Variants in NCKAP5 observed in about 807,000 individuals in gnomAD.
The protein encoded by NCKAP5 is NCK associated protein 5.
In NCKAP5, 92 loss-of-function variants were observed where a neutral mutation model predicts 167.0. That is an observed-to-expected ratio of 0.55 (90% CI 0.47 to 0.66). The LOEUF (loss-of-function observed/expected upper bound fraction) is 0.66, where lower values mean the gene tolerates loss of function less well. NCKAP5 is among the 30% of genes least tolerant of loss of function. The probability of loss-of-function intolerance (pLI) is 0.00; values close to 1 mark genes in which losing one functional copy is unlikely to be tolerated. For missense variants in NCKAP5, 2,378 were observed against 2,315.0 expected, an observed-to-expected ratio of 1.03 and a Z score of -0.56; for synonymous variants, 891 against 877.4, an observed-to-expected ratio of 1.02 and a Z score of -0.27.
At chr2:133,058,249 C>T (rs1162509232) in intron 6 of NCKAP5, among the ~76,000 whole-genome samples, 1 of 152,214 alleles carries the variant, frequency 6.6e-6, no homozygotes, top group Non-Finnish European at 1.5e-5. Context: ...AACATCCATT[C>T]TGTAGCCCAT....
In NCKAP5 at chr2:133,264,388, C is replaced by G. The variant is rs1412605232; in HGVS notation, c.143+38649G>C. On this transcript the variant is annotated intron_variant, in intron 4 of 19. Transcript: ENST00000409261. ...CTTTTGTAAACTGTAAAGTCCTAGTCAAATGTAGTGTGCTGTTATCACATT... is the reference window on the plus strand; with the variant it reads ...CTTTTGTAAACTGTAAAGTCCTAGTGAAATGTAGTGTGCTGTTATCACATT... Among the ~76,000 whole-genome samples the G allele has an allele frequency of 2.0e-5, 3 of 152,306 alleles. No homozygotes were observed. In the East Asian group the frequency reaches 5.8e-4, roughly 29 times the overall value.
At chr2:133,202,331 C>G (rs2085733235) in intron 5 of NCKAP5, among the ~76,000 whole-genome samples, 1 of 152,108 alleles carries the variant, frequency 6.6e-6, no homozygotes. Context: ...ACTGGCTAGC[C>G]ATATGGAGAA....
intron 8 of NCKAP5, among the ~76,000 whole-genome samples, chr2:132,943,922 G>A (rs958740686): frequency 1.1e-4 from 16 of 152,206 alleles, no homozygotes; most frequent in Non-Finnish European, 2.2e-4. Context: ...AAGTGTGACC[G>A]CACACTTGGT....
the NCKAP5 span, among the ~76,000 whole-genome samples, chr2:133,651,979 T>C: frequency 3.3e-5 from 5 of 152,188 alleles, no homozygotes; most frequent in African/African-American, 1.2e-4. Context: ...CAGGAGCAAC[T>C]ACTGGAGACA....
At chr2:133,427,811 T>C (rs1022981399) in intron 3 of NCKAP5, among the ~76,000 whole-genome samples, 7 of 152,068 alleles carry the variant, frequency 4.6e-5, no homozygotes, top group East Asian at 1.9e-4. Flanking sequence ...GGAAATAAGA[T>C]ACATATAAAA....
chr2:133,352,592 G>C (rs79237551), intron 3 of NCKAP5, among the ~76,000 whole-genome samples: 2,958 of 152,322 alleles, frequency 0.019, 47 homozygotes, highest in Non-Finnish European at 0.027. Context: ...AGGCTAAACA[G>C]ACTTGACCCT....
intron 5 of NCKAP5, among the ~76,000 whole-genome samples, chr2:133,165,555 A>G (rs2083965970): frequency 6.6e-6 from 1 of 152,220 alleles, no homozygotes; most frequent in Non-Finnish European, 1.5e-5. Context: ...GCACAGAAGC[A>G]GACTGACTTT....
chr2:133,238,446 C>A (rs950853635), intron 4 of NCKAP5, among the ~76,000 whole-genome samples: 5 of 152,178 alleles, frequency 3.3e-5, no homozygotes. Context: ...CTATAGAAGG[C>A]TCTCAGTCTT....
intron 8 of NCKAP5, among the ~76,000 whole-genome samples, chr2:132,884,732 TAAAGG>T (rs1692076086): frequency 6.6e-6 from 1 of 152,114 alleles, no homozygotes; most frequent in Non-Finnish European, 1.5e-5. Context: ...GGAAGAGAGA[TAAAGG>T]AGAGAACTGC....
Position 132,731,963 on chromosome 2 carries a change from T to C in NCKAP5, c.5217A>G (p.Leu1739=), listed in dbSNP as rs747446044. ...CGTCCTCTGGGGAGTCTGGCTGGCA[T>C]AGGTAGCGTCCTGTCGAGCGATTTC... is the stretch of plus-strand genomic sequence containing the variant. ...DSGNRSTGRY[L]CQPDSPEDAE... is the part of the protein sequence containing the mutation. The change falls in exon 17 of 20, where the codon CTA becomes CTG. Residue 1739 remains leucine (L), a synonymous_variant. Coordinates refer to ENST00000409261, the MANE Select transcript of NCKAP5 (RefSeq NM_207363.3). 5.6e-6 allele frequency: 9 copies of C among 1,613,818 alleles called. No homozygotes were observed. The highest frequency in any genetic ancestry group is 2.2e-5 in the East Asian group (1 of 44,840).
At position 132,924,798 on chromosome 2, in the gene NCKAP5, A is replaced by G. The variant is rs1431198742; in HGVS notation, c.579+38922T>C. Among the ~76,000 whole-genome samples, 4 of 151,922 alleles carry G rather than the reference A, an allele frequency of 2.6e-5. No homozygotes were observed. The East Asian group carries it at 7.7e-4, about 29-fold the overall frequency. Reference sequence around the variant, plus strand: ...TAAAACCCATGCCAAATCACATTCAATAACATGAGACCTAGGGAGGTCTAA... The same window carrying G: ...TAAAACCCATGCCAAATCACATTCAGTAACATGAGACCTAGGGAGGTCTAA... On this transcript the variant is annotated intron_variant, in intron 8 of 19. Transcript: ENST00000409261.
chr2:133,043,372 A>G (rs1250388027), intron 6 of NCKAP5, among the ~76,000 whole-genome samples: 1 of 152,188 alleles, frequency 6.6e-6, no homozygotes, highest in Non-Finnish European at 1.5e-5. Context: ...ACAGACTAAA[A>G]AGTACAATTA....
intron 3 of NCKAP5, among the ~76,000 whole-genome samples, chr2:133,468,186 A>C (rs1325340793): frequency 7.3e-6 from 1 of 136,748 alleles, no homozygotes; most frequent in African/African-American, 2.8e-5. Flanking sequence ...CTTTGAATGC[A>C]TCCCAGAGAT....
intron 19 of NCKAP5, among the ~76,000 whole-genome samples, chr2:132,693,253 G>A (rs1206265582): frequency 3.9e-5 from 6 of 152,200 alleles, no homozygotes; most frequent in African/African-American, 1.2e-4. Context: ...ACCTGTGAAT[G>A]TGACTTTATT....
intron 5 of NCKAP5, among the ~76,000 whole-genome samples, chr2:133,194,861 A>G (rs1025710533): frequency 4.0e-5 from 6 of 151,244 alleles, no homozygotes; most frequent in African/African-American, 1.5e-4. Context: ...GATACTAGAT[A>G]ACAGATTGTT....
chr2:133,070,530 G>A (rs2080353680), intron 6 of NCKAP5, among the ~76,000 whole-genome samples: 1 of 152,142 alleles, frequency 6.6e-6, no homozygotes, highest in Non-Finnish European at 1.5e-5. Flanking sequence ...TCCTAGGGAG[G>A]TCAAGTCTCT....
Position 133,332,115 on chromosome 2 carries a change from CT to C in NCKAP5, c.70-29006del, listed in dbSNP as rs1682896202. ...CCCTCAGGGAGACTTCAGATAGTAC[CT>C]TGGAGCTTTACATCTAATGAGGACA... On this transcript the variant is annotated intron_variant, in intron 3 of 19. Transcript: ENST00000409261. Among the ~76,000 whole-genome samples the C allele has an allele frequency of 2.0e-5, 3 of 152,162 alleles. No homozygotes were observed. The South Asian group carries it at 6.2e-4, about 32-fold the overall frequency.
intron 3 of NCKAP5, among the ~76,000 whole-genome samples, chr2:133,478,726 T>C (rs1249579432): frequency 1.3e-5 from 2 of 152,280 alleles, no homozygotes; most frequent in South Asian, 2.1e-4. Context: ...GCATTTCAAA[T>C]GTTTCATCTC....
At position 133,444,898 on chromosome 2, in the gene NCKAP5, C is replaced by T. The variant is rs540536115; in HGVS notation, c.69+72560G>A. Among the ~76,000 whole-genome samples the T allele has an allele frequency of 6.6e-4, 101 of 152,242 alleles. 1 individual carries two copies. The highest frequency in any genetic ancestry group is 2.3e-3 in the African/African-American group (97 of 41,530). ...TCATTGTGATTCTCCTGTGGACTGT[C>T]GCCTCCATGTGAAGAATTATTTTAA... On this transcript the variant is annotated intron_variant, in intron 3 of 19. Transcript: ENST00000409261.
Sources: gnomAD v4.1 joint callset for allele counts (sites outside exome capture counted in the v4.1 genomes callset) on GRCh38, gnomAD v4.1.1 for gene constraint, MANE v1.5 for transcripts, NCBI Gene and HGNC (gene_info 2026-07-23, HGNC 2026-07-21) for gene names.